The following KCTD9 variants were observed in gnomAD, a reference collection of about 807,000 sequenced individuals.
KCTD9 encodes BTB/POZ domain-containing protein KCTD9.
In KCTD9, 17 loss-of-function variants were observed where a neutral mutation model predicts 53.3. The observed-to-expected ratio is 0.32, with a 90% CI of 0.22 to 0.48. KCTD9 has a LOEUF of 0.48. KCTD9 is among the 20% of genes least tolerant of loss of function. The pLI is 0.99. For missense variants in KCTD9, 179 were observed against 465.5 expected (o/e 0.38, Z 5.66); for synonymous variants, 128 against 162.7 (o/e 0.79, Z 1.62).
intron 6 of KCTD9, among the ~76,000 whole-genome samples, chr8:25,437,052 A>C (rs1022447062): frequency 1.8e-4 from 28 of 152,222 alleles, no homozygotes; most frequent in Admixed American, 1.8e-3. Flanking sequence ...AGAAGCAGTT[A>C]TTTGGGAAGA....
intron 9 of KCTD9, among the ~76,000 whole-genome samples, chr8:25,435,140 G>A (rs1414310812): frequency 1.3e-5 from 2 of 152,086 alleles, no homozygotes; most frequent in African/African-American, 2.4e-5. Flanking sequence ...TTTCTTATTA[G>A]TTACTAAACC....
intron 1 of KCTD9, among the ~76,000 whole-genome samples, chr8:25,451,942 A>G (rs1305233863): frequency 6.6e-6 from 1 of 152,208 alleles, no homozygotes; most frequent in Non-Finnish European, 1.5e-5. Context: ...ATATCACTAA[A>G]TATTTTCTAA....
chr8:25,432,775 T>A (rs1801953193), intron 10 of KCTD9, 138 bp from the exon 11 acceptor site: 3 of 706,534 alleles, frequency 4.2e-6, no homozygotes, highest in African/African-American at 1.8e-5. Context: ...AACGAACTTA[T>A]ATATATAAAC....
intron 1 of KCTD9, among the ~76,000 whole-genome samples, chr8:25,452,150 C>A (rs1479682422): frequency 6.6e-6 from 1 of 152,002 alleles, no homozygotes; most frequent in Non-Finnish European, 1.5e-5. Flanking sequence ...TTTTCTCTAC[C>A]TATACTTTTA....
intron 9 of KCTD9, among the ~76,000 whole-genome samples, chr8:25,434,290 G>A (rs1221082131): frequency 6.6e-6 from 1 of 152,030 alleles, no homozygotes; most frequent in African/African-American, 2.4e-5. Flanking sequence ...AGTAGAGACG[G>A]GGTTTCGCCA....
rs1239637027 is a variant in KCTD9 at position 25,428,870 on chromosome 8, C to T, written c.*987G>A. 1.3e-5 allele frequency: 2 copies of T among 152,132 alleles called. No homozygotes were observed. The highest frequency in any genetic ancestry group is 2.9e-5 in the Non-Finnish European group (2 of 68,026). The allele number at this position is 152,132 out of a possible 1,614,324, so 9.4% of individuals were successfully genotyped here. On this transcript the variant is annotated 3_prime_UTR_variant, in exon 12 of 12. Coordinates refer to ENST00000221200, the MANE Select transcript of KCTD9 (RefSeq NM_017634.4). ...AGCAGGCAACTCTACCATATTCACT[C>T]ATATAAGCTTTGATTGCAGTAGCTC...
At chr8:25,457,565 A>T (rs1372427096) in intron 1 of KCTD9, 1 of 156,350 alleles carries the variant, frequency 6.4e-6, no homozygotes, top group Non-Finnish European at 1.4e-5. Context: ...AGGGAATCAA[A>T]ATAAGGCAAA....
chr8:25,431,721 A>G (rs991868994), intron 11 of KCTD9, among the ~76,000 whole-genome samples: 2 of 152,284 alleles, frequency 1.3e-5, no homozygotes, highest in Admixed American at 1.3e-4. Context: ...TGAAGTTGAA[A>G]GGGGCCTGCT....
In KCTD9 at chr8:25,458,404, T is replaced by C. The variant is rs1802523304; in HGVS notation, c.-158A>G. On this transcript the variant is annotated 5_prime_UTR_variant, in exon 1 of 12. Transcript: ENST00000221200. ...GGGGACACACCACACGCACGCACTC[T>C]GTCCCACACCCAAGGTTCGGCCGGT... 6.4e-6 allele frequency: 5 copies of C among 785,214 alleles called. No homozygotes were observed. The highest frequency in any genetic ancestry group is 1.7e-5 in the African/African-American group (1 of 58,302). The allele number at this position is 785,214 out of a possible 1,614,324, so 48.6% of individuals were successfully genotyped here.
chr8:25,432,354 G>A (rs1347771910), intron 11 of KCTD9, 150 bp downstream of exon 11: 2 of 656,476 alleles, frequency 3.0e-6, no homozygotes, highest in African/African-American at 1.9e-5. Flanking sequence ...AGGAAAAGGA[G>A]AGAAATGAAA....
At chr8:25,441,856 T>C (rs1467744314) in intron 3 of KCTD9, among the ~76,000 whole-genome samples, 2 of 151,648 alleles carry the variant, frequency 1.3e-5, no homozygotes, top group African/African-American at 4.8e-5. Flanking sequence ...AAAAAAATTA[T>C]CCGGGCATGG....
At chr8:25,430,865 TTTGCTCTTG>T (rs1263201385) in intron 11 of KCTD9, among the ~76,000 whole-genome samples, 2 of 151,318 alleles carry the variant, frequency 1.3e-5, no homozygotes, top group African/African-American at 4.9e-5. Context: ...GAAACGGAGT[TTTGCTCTTG>T]TTGCCCAGGC....
chr8:25,430,578 G>A (rs1014232193), intron 11 of KCTD9, among the ~76,000 whole-genome samples: 1 of 151,902 alleles, frequency 6.6e-6, no homozygotes, highest in African/African-American at 2.4e-5. Context: ...ACAAACTCAG[G>A]GCTCCCACTG....
intron 11 of KCTD9, among the ~76,000 whole-genome samples, chr8:25,432,259 T>C (rs1294974168): frequency 1.3e-5 from 2 of 152,248 alleles, no homozygotes; most frequent in African/African-American, 4.8e-5. Flanking sequence ...CTAGCCCATT[T>C]AATTCTATTC....
At chr8:25,439,706 T>C in intron 4 of KCTD9, 42 bp from the exon 5 acceptor site, 1 of 1,612,500 alleles carries the variant, frequency 6.2e-7, no homozygotes. Flanking sequence ...CATTTGTCTT[T>C]ATAAACAAAC....
chr8:25,439,725 G>C, intron 4 of KCTD9, 61 bp from the exon 5 acceptor site: 1 of 1,611,276 alleles, frequency 6.2e-7, no homozygotes, highest in Admixed American at 1.7e-5. Context: ...ACATATTTAA[G>C]TCAAGAGTAT....
chr8:25,445,442 T>TA (rs1280414099), intron 2 of KCTD9, among the ~76,000 whole-genome samples: 4 of 152,108 alleles, frequency 2.6e-5, no homozygotes, highest in South Asian at 4.2e-4. Flanking sequence ...ACATCACTGA[T>TA]AAAAAAAACT....
In KCTD9 at chr8:25,431,813, C is replaced by T. The variant is rs182748393; in HGVS notation, c.1053+691G>A. On this transcript the variant is annotated intron_variant, in intron 11 of 11. Coordinates refer to ENST00000221200, the MANE Select transcript of KCTD9 (RefSeq NM_017634.4). ...AACAGCAAGCTAAATTTTGACATACCGTTCTCTGCTATCCAATTTATACCA... is the reference window on the plus strand; with the variant it reads ...AACAGCAAGCTAAATTTTGACATACTGTTCTCTGCTATCCAATTTATACCA... Among the ~76,000 whole-genome samples, 565 of 152,016 alleles carry T rather than the reference C, an allele frequency of 3.7e-3. 6 individuals are homozygous for T. The highest frequency in any genetic ancestry group is 0.013 in the African/African-American group (529 of 41,456).
intron 3 of KCTD9, among the ~76,000 whole-genome samples, chr8:25,443,000 AACC>A (rs1802151055): frequency 2.0e-5 from 3 of 152,140 alleles, no homozygotes; most frequent in Non-Finnish European, 4.4e-5. Context: ...GATAAGTAAA[AACC>A]TTATAATCCT....
Sources: gnomAD v4.1 joint callset for allele counts (sites outside exome capture counted in the v4.1 genomes callset) on GRCh38, gnomAD v4.1.1 for gene constraint, MANE v1.5 for transcripts, NCBI Gene and HGNC (gene_info 2026-07-23, HGNC 2026-07-21) for gene names.